Variants in ACOT7 observed in about 807,000 individuals in gnomAD.
ACOT7 encodes the protein cytosolic acyl coenzyme A thioester hydrolase.
Under a neutral mutation model 40.2 loss-of-function variants are expected in ACOT7, and 12 were observed. That is an observed-to-expected ratio of 0.30 (90% confidence interval 0.19 to 0.48). ACOT7 has a LOEUF of 0.48. ACOT7 is among the 20% of genes least tolerant of loss of function. The pLI, the probability that ACOT7 is intolerant of heterozygous loss-of-function variation, is 0.99. For synonymous variants in ACOT7, 228 were observed against 219.5 expected (o/e 1.04, Z -0.34); for missense variants, 395 against 530.8 (o/e 0.74, Z 2.51).
intron 8 of ACOT7, among the ~76,000 whole-genome samples, chr1:6,269,993 C>T (rs1638980609): frequency 6.6e-6 from 1 of 152,226 alleles, no homozygotes; most frequent in African/African-American, 2.4e-5. Context: ...TGCCTGAGGA[C>T]CCAGGCTCAC....
rs183225801 is a variant in ACOT7, at chr1:6,358,768, A to T, written c.144-8902T>A. ...CCACCCTTCCCTTCCAAATGTCCCT[A>T]AACAATCCACCCACAGTGGCCCCTG... On this transcript the variant is annotated intron_variant, in intron 1 of 8. Coordinates refer to ENST00000361521, the MANE Select transcript of ACOT7 (RefSeq NM_007274.4). This position sits in a 1 kb window ranked among gnomAD's most constrained non-coding sequence, Gnocchi z 4.1. 7.0e-6 allele frequency: 11 copies of T among 1,561,558 alleles called. No individual in the cohort carries two copies. In the East Asian group the frequency reaches 2.5e-4, roughly 35 times the overall value.
chr1:6,298,999 G>A (rs1377415463), intron 6 of ACOT7, among the ~76,000 whole-genome samples: 2 of 152,228 alleles, frequency 1.3e-5, no homozygotes, highest in Admixed American at 6.5e-5. Flanking sequence ...GGCCTGGTGC[G>A]AATCCCCCTG....
chr1:6,358,985 C>T lies in ACOT7; in HGVS notation c.144-9119G>A. On this transcript the variant is annotated intron_variant, in intron 1 of 8. Transcript: ENST00000361521. The surrounding 1 kb of genome is among the most constrained non-coding windows in gnomAD (Gnocchi z 4.1). ...GGGGAGCACCCCCCACCCCCAGCTT[C>T]CTGAGCTGCCCAATCTGGCCAGGAA... The T allele has an allele frequency of 7.1e-7, 1 of 1,416,904 alleles. No individual in the cohort carries two copies. Among genetic ancestry groups the T allele is most frequent in the Non-Finnish European group, 9.4e-7 (1 of 1,063,058 alleles). The allele number at this position is 1,416,904 out of a possible 1,614,324, so 87.8% of individuals were successfully genotyped here.
chr1:6,304,386 G>A lies in ACOT7; in HGVS notation c.713-9406C>T, dbSNP rs904663377. ...ATCCGACCCGTACACAGGTAGAAAA[G>A]TACGTTCTTTTTTTTTTTTTTTTTT... On this transcript the variant is annotated intron_variant, in intron 6 of 8. Transcript: ENST00000361521. 3.6e-3 allele frequency among the ~76,000 whole-genome samples: 521 copies of A among 144,906 alleles called. 6 individuals are homozygous for A. The highest frequency in any genetic ancestry group is 0.013 in the African/African-American group (501 of 39,280).
chr1:6,345,620 G>A (rs1294476737), intron 2 of ACOT7, among the ~76,000 whole-genome samples: 1 of 152,214 alleles, frequency 6.6e-6, no homozygotes, highest in African/African-American at 2.4e-5. Context: ...AACGTCAAGT[G>A]CGTGGACCAT....
chr1:6,386,925 T>C (rs1355461746), intron 1 of ACOT7, among the ~76,000 whole-genome samples: 2 of 152,066 alleles, frequency 1.3e-5, no homozygotes, highest in African/African-American at 4.8e-5. Flanking sequence ...ATTCCTAATA[T>C]CATTAAATAG....
intron 5 of ACOT7, among the ~76,000 whole-genome samples, chr1:6,318,840 T>C (rs1395318134): frequency 1.3e-5 from 2 of 152,198 alleles, no homozygotes; most frequent in Admixed American, 1.3e-4. Flanking sequence ...TGCAAGGCCC[T>C]GCCCAGGGGT....
chr1:6,331,543 A>G (rs533451179), intron 4 of ACOT7, among the ~76,000 whole-genome samples: 6 of 152,280 alleles, frequency 3.9e-5, no homozygotes, highest in Non-Finnish European at 8.8e-5. Flanking sequence ...TTTGAGAGCT[A>G]CCCAGTCAGT....
chr1:6,324,421 T>C (rs564981562), intron 5 of ACOT7, among the ~76,000 whole-genome samples: 1 of 152,314 alleles, frequency 6.6e-6, no homozygotes. Flanking sequence ...TAACACATTC[T>C]GAAAAATATC....
intron 5 of ACOT7, among the ~76,000 whole-genome samples, chr1:6,325,172 G>A (rs1362807128): frequency 6.6e-6 from 1 of 152,240 alleles, no homozygotes; most frequent in Non-Finnish European, 1.5e-5. Context: ...GCCGAGGTGG[G>A]CGGATCACGA....
chr1:6,376,713 G>T, intron 1 of ACOT7, among the ~76,000 whole-genome samples: 1 of 133,792 alleles, frequency 7.5e-6, no homozygotes, highest in African/African-American at 2.9e-5. Flanking sequence ...GGCAACAAGA[G>T]TAAAACTCCA....
At chr1:6,313,161 G>A (rs1640387975) in intron 6 of ACOT7, among the ~76,000 whole-genome samples, 1 of 152,220 alleles carries the variant, frequency 6.6e-6, no homozygotes, top group Admixed American at 6.5e-5. Flanking sequence ...GGGGACAGGG[G>A]TGGAGAAGGA....
At chr1:6,285,395 C>T (rs1038807853) in intron 7 of ACOT7, among the ~76,000 whole-genome samples, 3 of 152,226 alleles carry the variant, frequency 2.0e-5, no homozygotes, top group East Asian at 3.8e-4. Context: ...GCCCTGGAGC[C>T]CCACACCTGT....
At position 6,306,838 on chromosome 1, in the gene ACOT7, G is replaced by A. The variant is rs1469051132; in HGVS notation, c.712+11654C>T. On this transcript the variant is annotated intron_variant, in intron 6 of 8. Transcript: ENST00000361521. The surrounding 1 kb of genome is among the most constrained non-coding windows in gnomAD (Gnocchi z 4.3). ...AACAAGGTCACGGAATTGGAAAAGA[G>A]TAACTGTGCCCTCTTTTGCATTTTT... 2 of 1,289,166 alleles carry A rather than the reference G, an allele frequency of 1.6e-6. No individual in the cohort carries two copies. The highest frequency in any genetic ancestry group is 2.3e-5 in the Admixed American group (1 of 43,554). The allele number at this position is 1,289,166 out of a possible 1,614,324, so 79.9% of individuals were successfully genotyped here. A position where few individuals can be genotyped will look rare whatever the true frequency, so the allele number is the denominator to read the frequency against.
intron 1 of ACOT7, among the ~76,000 whole-genome samples, chr1:6,383,703 G>C (rs766211281): frequency 1.9e-4 from 28 of 150,918 alleles, no homozygotes; most frequent in South Asian, 4.2e-4. Flanking sequence ...CCCTGCATCT[G>C]GCTAATTTTT....
Position 6,279,315 on chromosome 1 carries a change from G to C in ACOT7, c.1014+1787C>G, listed in dbSNP as rs543247054. Among the ~76,000 whole-genome samples, 10 of 152,290 alleles carry C rather than the reference G, an allele frequency of 6.6e-5. No individual in the cohort carries two copies. The South Asian group carries it at 1.9e-3, about 28-fold the overall frequency. On this transcript the variant is annotated intron_variant, in intron 8 of 8. Coordinates refer to ENST00000361521, the MANE Select transcript of ACOT7 (RefSeq NM_007274.4). ...GGCCGATGGGTGGCACGGTGGGCCA[G>C]GGCAAGGCGGGTAGGCTTACAAGTA...
Position 6,377,236 on chromosome 1 carries a change from T to TA in ACOT7, c.143+16020dup, listed in dbSNP as rs377614627. Among the ~76,000 whole-genome samples the TA allele has an allele frequency of 4.0e-3, 607 of 151,986 alleles. 3 individuals are homozygous for TA. Among genetic ancestry groups the TA allele is most frequent in the African/African-American group, 0.014 (586 of 41,444 alleles). On this transcript the variant is annotated intron_variant, in intron 1 of 8. Transcript: ENST00000361521. ...CAATCCTATATTCCATTAAAGACAT[T>TA]AAAAAAATACATGTAAAGGCCAAGT...
At chr1:6,284,701 C>T (rs1284306935) in intron 7 of ACOT7, among the ~76,000 whole-genome samples, 1 of 152,142 alleles carries the variant, frequency 6.6e-6, no homozygotes, top group Non-Finnish European at 1.5e-5. Context: ...TAGAGGCCCC[C>T]CTGCAGCATC....
intron 6 of ACOT7, 193 bp from the exon 7 acceptor site, chr1:6,295,173 T>G: frequency 2.0e-6 from 1 of 491,274 alleles, no homozygotes. Flanking sequence ...CAGGAGATTT[T>G]GAAAAAAACG....
Sources: gnomAD v4.1 joint callset for allele counts (sites outside exome capture counted in the v4.1 genomes callset) on GRCh38, gnomAD v4.1.1 for gene constraint, Gnocchi (gnomAD v3.1) non-coding constraint, MANE v1.5 for transcripts, NCBI Gene and HGNC (gene_info 2026-07-23, HGNC 2026-07-21) for gene names.